EP400: variants seen among roughly 807,000 people sequenced by gnomAD.
EP400 encodes the protein E1A-binding protein p400.
Under a neutral mutation model 354.1 loss-of-function variants are expected in EP400, and 105 were observed. That is an observed-to-expected ratio of 0.30 (90% CI 0.25 to 0.35). EP400 has a LOEUF of 0.35. Ranked by LOEUF, EP400 falls within the 10% of genes least tolerant of loss-of-function variation. The pLI, the probability that EP400 is intolerant of heterozygous loss-of-function variation, is 1.00. For missense variants in EP400, 3,280 were observed against 4,121.0 expected (o/e 0.80, Z 5.59); for synonymous variants, 1,646 against 1,716.9 (o/e 0.96, Z 1.02).
chr12:131,971,153 G>C (rs778895748), intron 2 of EP400, among the ~76,000 whole-genome samples: 2 of 152,104 alleles, frequency 1.3e-5, no homozygotes, highest in Non-Finnish European at 2.9e-5. Context: ...GCAGTGAGCT[G>C]TGATTGTGCC....
At position 131,986,522 on chromosome 12, in the gene EP400, A is replaced by G. The variant is rs1242333497; in HGVS notation, c.1938A>G (p.Ala646=). The change falls in exon 6 of 53, where the codon GCA becomes GCG. Residue 646 remains alanine, a synonymous_variant. Coordinates refer to ENST00000389561, the MANE Select transcript of EP400 (RefSeq NM_015409.5). ...SQLSSLPQMV[A]STRLPVDPAP... ...GTGCCCTGCCCTTACAGATGGTAGC[A>G]TCGACAAGGCTCCCTGTGGACCCTG... 1.2e-6 allele frequency: 2 copies of G among 1,601,654 alleles called. No individual in the cohort carries two copies. Among genetic ancestry groups the G allele is most frequent in the East Asian group, 2.2e-5 (1 of 44,722 alleles).
At chr12:132,040,404 C>G (rs527419951) in intron 32 of EP400, among the ~76,000 whole-genome samples, 6 of 152,064 alleles carry the variant, frequency 3.9e-5, no homozygotes, top group African/African-American at 1.2e-4. Context: ...GTAGGAGAGG[C>G]GTCTGTACCC....
At chr12:132,037,272 G>C (rs1376643755) in intron 30 of EP400, among the ~76,000 whole-genome samples, 1 of 152,210 alleles carries the variant, frequency 6.6e-6, no homozygotes, top group African/African-American at 2.4e-5. Flanking sequence ...ACATGAGAAT[G>C]AGGTGTCTCA....
chr12:131,974,957 T>G (rs1435925134), intron 2 of EP400, among the ~76,000 whole-genome samples: 1 of 120,422 alleles, frequency 8.3e-6, no homozygotes. Context: ...GCCACTGTAC[T>G]CCATCCTGGG....
intron 3 of EP400, among the ~76,000 whole-genome samples, chr12:131,981,030 T>C (rs1387889921): frequency 6.6e-6 from 1 of 152,260 alleles, no homozygotes; most frequent in African/African-American, 2.4e-5. Context: ...ATAAGTCATT[T>C]AATCCTCATT....
intron 45 of EP400, among the ~76,000 whole-genome samples, chr12:132,055,970 G>C (rs1040996118): frequency 4.6e-5 from 7 of 151,874 alleles, no homozygotes; most frequent in Non-Finnish European, 8.8e-5. Flanking sequence ...GGCTGGGTGT[G>C]TGCAAGGAGC....
chr12:132,032,636 T>C (rs928249903), intron 30 of EP400, among the ~76,000 whole-genome samples: 5 of 151,756 alleles, frequency 3.3e-5, no homozygotes, highest in East Asian at 1.9e-4. Context: ...TTTTTTTTTT[T>C]TTTCTTTTTT....
At chr12:132,022,982 G>A (rs943255818) in intron 23 of EP400, among the ~76,000 whole-genome samples, 9 of 152,034 alleles carry the variant, frequency 5.9e-5, no homozygotes, top group African/African-American at 2.2e-4. Flanking sequence ...GAAGAGTTAT[G>A]GGTGTAATTG....
chr12:131,982,154 G>T lies in EP400; in HGVS notation c.1605G>T (p.Gln535His). 1 of 1,600,640 alleles carries T rather than the reference G, an allele frequency of 6.2e-7. No individual in the cohort carries two copies. The highest frequency in any genetic ancestry group is 1.1e-5 in the South Asian group (1 of 90,430). The change falls in exon 5 of 53, where the codon CAG becomes CAT. Residue 535 changes from glutamine (Q) to histidine (H), a missense_variant. This residue lies in a region of EP400 where 800 missense variants were observed against 840.0 expected (regional missense o/e 0.95). Transcript: ENST00000389561. ...QLAGQRQSQQ[Q>H]YDPSTGPPVQ... ...CTGGACAGAGGCAGAGTCAGCAGCAGTATGACCCCTCCACGGGGCCTCCCG... is the reference window on the plus strand; with the variant it reads ...CTGGACAGAGGCAGAGTCAGCAGCATTATGACCCCTCCACGGGGCCTCCCG...
intron 6 of EP400, 55 bp downstream of exon 6, chr12:131,986,862 G>C: frequency 1.3e-6 from 2 of 1,533,392 alleles, no homozygotes; most frequent in Non-Finnish European, 1.8e-6. Flanking sequence ...AGCACATTTA[G>C]TTTTAATTGT....
Position 132,031,913 on chromosome 12 carries a change from T to G in EP400, c.5755-40T>G, listed in dbSNP as rs752328745. On this transcript the variant is annotated intron_variant, in intron 29 of 52. Coordinates refer to ENST00000389561, the MANE Select transcript of EP400 (RefSeq NM_015409.5). ...AAACGTGTCAAAGGTTTCCCAACAT[T>G]TTCCAAGAATACTAACTCCTGTGTT... is the stretch of plus-strand genomic sequence containing the variant. 3 of 1,558,256 alleles carry G rather than the reference T, an allele frequency of 1.9e-6. No homozygotes were observed. In the Admixed American group the frequency reaches 5.7e-5, roughly 30 times the overall value.
In EP400 at chr12:132,070,903, G is replaced by A. The variant is rs1427243629; in HGVS notation, c.9021+1262G>A. On this transcript the variant is annotated intron_variant, in intron 51 of 52. Coordinates refer to ENST00000389561, the MANE Select transcript of EP400 (RefSeq NM_015409.5). The surrounding 1 kb of genome is among the most constrained non-coding windows in gnomAD (Gnocchi z 4.1). ...TGTACATTAGTTTTTTATTCTGGCC[G>A]CCTTGCTAGATTCTGGTTATTTGAA... Among the ~76,000 whole-genome samples, 5 of 152,030 alleles carry A rather than the reference G, an allele frequency of 3.3e-5. No homozygotes were observed. The highest frequency in any genetic ancestry group is 7.4e-5 in the Non-Finnish European group (5 of 68,016).
In EP400 at chr12:132,050,332, A is replaced by G. The variant is rs1895249355; in HGVS notation, c.7210A>G (p.Asn2404Asp). The change falls in exon 40 of 53, where the codon AAC becomes GAC. Residue 2404 changes from asparagine (N) to aspartate (D), a missense_variant. This residue lies in a region of EP400 where 84 missense variants were observed against 133.0 expected (regional missense o/e 0.63). Coordinates refer to ENST00000389561, the MANE Select transcript of EP400 (RefSeq NM_015409.5). This position sits in a 1 kb window ranked among gnomAD's most constrained non-coding sequence, Gnocchi z 4.8. The part of the protein sequence containing the change: ...IPREEGKSKN[N>D]RPLRTSQIYA... The stretch of plus-strand genomic sequence containing the variant: ...GTCAATTTCATTGCAGAGTAAAAAC[A>G]ACCGTCCTCTCCGTACGAGCCAGAT... 6.2e-7 allele frequency: 1 copy of G among 1,614,122 alleles called. No individual in the cohort carries two copies. The highest frequency in any genetic ancestry group is 8.5e-7 in the Non-Finnish European group (1 of 1,180,018).
rs1659322898 is a variant in EP400, at chr12:132,078,390, G to A, written c.*717G>A. ...CCTCCCCCAGGCCCTACCCTGCAAT[G>A]GGATTCGCTTTCATTTAATGGAAAC... On this transcript the variant is annotated 3_prime_UTR_variant, in exon 53 of 53. Transcript: ENST00000389561. The A allele has an allele frequency of 6.6e-6, 1 of 152,286 alleles. No homozygotes were observed. The highest frequency in any genetic ancestry group is 1.5e-5 in the Non-Finnish European group (1 of 68,094). 9.4% of individuals were successfully genotyped at this position (152,286 alleles called of 1,614,324 possible). A position where few individuals can be genotyped will look rare whatever the true frequency, so the allele number is the denominator to read the frequency against.
chr12:132,030,582 A>G (rs1277772360), intron 29 of EP400, among the ~76,000 whole-genome samples: 1 of 152,206 alleles, frequency 6.6e-6, no homozygotes, highest in African/African-American at 2.4e-5. Flanking sequence ...CCTCCCGTGA[A>G]AGCATAAACT....
rs554104377 is a variant in EP400 at position 132,027,921 on chromosome 12, T to C, written c.5110-96T>C. On this transcript the variant is annotated intron_variant, in intron 26 of 52. Coordinates refer to ENST00000389561, the MANE Select transcript of EP400 (RefSeq NM_015409.5). The surrounding 1 kb of genome is among the most constrained non-coding windows in gnomAD (Gnocchi z 4.9). ...ACCGGGGATATTGAAGTGGATCTCA[T>C]ATGTGGGAAATCACGGGCTGGGTGG... 6 of 1,322,074 alleles carry C rather than the reference T, an allele frequency of 4.5e-6. No individual in the cohort carries two copies. The highest frequency in any genetic ancestry group is 2.0e-5 in the Admixed American group (1 of 49,758). 81.9% of individuals were successfully genotyped at this position (1,322,074 alleles called of 1,614,324 possible).
At chr12:132,064,534 C>G in intron 47 of EP400, 134 bp from the exon 48 acceptor site, 1 of 1,221,640 alleles carries the variant, frequency 8.2e-7, no homozygotes, top group African/African-American at 1.5e-5. Context: ...GGAAGGCGGT[C>G]TGGATGCTGC....
chr12:132,029,698 C>T lies in EP400; in HGVS notation c.5382-3C>T. On this transcript the variant is annotated splice_region_variant and splice_polypyrimidine_tract_variant and intron_variant, in intron 27 of 52. Coordinates refer to ENST00000389561, the MANE Select transcript of EP400 (RefSeq NM_015409.5). The surrounding 1 kb of genome is among the most constrained non-coding windows in gnomAD (Gnocchi z 4.7). ...GTGACAAAACATGCTTTCTGCTCCT[C>T]AGGGTGGCCTTTGTGATTCCTCCGG... 6.2e-7 allele frequency: 1 copy of T among 1,611,404 alleles called. No homozygotes were observed. Among genetic ancestry groups the T allele is most frequent in the African/African-American group, 1.3e-5 (1 of 75,010 alleles).
intron 2 of EP400, among the ~76,000 whole-genome samples, chr12:131,970,813 G>T (rs567441843): frequency 4.0e-4 from 61 of 152,240 alleles, no homozygotes; most frequent in Non-Finnish European, 6.0e-4. Context: ...GGTGATTACC[G>T]CAATCAAATT....
Sources: gnomAD v4.1 joint callset for allele counts (sites outside exome capture counted in the v4.1 genomes callset) on GRCh38, gnomAD v4.1.1 for gene constraint, gnomAD v4.1.1 regional missense constraint, Gnocchi (gnomAD v3.1) non-coding constraint, MANE v1.5 for transcripts, NCBI Gene and HGNC (gene_info 2026-07-23, HGNC 2026-07-21) for gene names.